The following RAB40A variants were observed in gnomAD, a reference collection of about 807,000 sequenced individuals.
The protein encoded by RAB40A is RAB40A, member RAS oncogene family, also known as ras-related protein Rab-40A.
For missense variants in RAB40A, 145 were observed against 230.2 expected, an observed-to-expected ratio of 0.63 and a Z score of 2.40; for synonymous variants, 65 against 99.9, an observed-to-expected ratio of 0.65 and a Z score of 2.08.
Position 103,500,263 on chromosome X carries a change from T to G in RAB40A, c.494A>C (p.Glu165Ala), listed in dbSNP as rs373670392. Residue 165 changes from glutamate to alanine, a missense_variant, in exon 3 of 3, where the codon GAG becomes GCG. Coordinates refer to ENST00000304236, the MANE Select transcript of RAB40A (RefSeq NM_080879.3). ...VSPLCNFNIIESFTELARIVL... is the reference protein window; with the variant it reads ...VSPLCNFNIIASFTELARIVL... ...TATCCTGGCCAGCTCCGTGAAAGACTCTATGATGTTGAAATTGCACAGAGG... is the reference window on the plus strand; with the variant it reads ...TATCCTGGCCAGCTCCGTGAAAGACGCTATGATGTTGAAATTGCACAGAGG... 23 of 1,210,167 alleles carry G rather than the reference T, an allele frequency of 1.9e-5. No individual in the cohort carries two copies. Among genetic ancestry groups the G allele is most frequent in the Non-Finnish European group, 2.6e-5 (23 of 895,233 alleles).
intron 2 of RAB40A, among the ~76,000 whole-genome samples, chrX:103,515,213 A>G (rs774630243): frequency 1.8e-5 from 2 of 112,428 alleles, no homozygotes; most frequent in South Asian, 7.4e-4. Context: ...ATGCTCTTTT[A>G]TTCTGTACTG....
At position 103,500,032 on chromosome X, in the gene RAB40A, G is replaced by A; in HGVS notation, c.725C>T (p.Ser242Phe). The change falls in exon 3 of 3, where the codon TCC becomes TTC. Residue 242 changes from serine (S) to phenylalanine (F), a missense_variant. By Grantham distance (155) the Ser-to-Phe change is radical. Transcript: ENST00000304236. ...NARMMRGLSY[S>F]LTTSSTHKSS... ...CTTGTGAGTGGAGCTGGTGGTGAGG[G>A]AGTAGGAGAGGCCTCGCATCATCCT... 8.3e-7 allele frequency: 1 copy of A among 1,211,488 alleles called. No homozygotes were observed. Among genetic ancestry groups the A allele is most frequent in the Non-Finnish European group, 1.1e-6 (1 of 894,973 alleles).
chrX:103,498,144 A>G (rs761094731), downstream of RAB40A, among the ~76,000 whole-genome samples: 4 of 111,059 alleles, frequency 3.6e-5, no homozygotes, highest in Non-Finnish European at 5.7e-5. Flanking sequence ...ACCTCTTTCA[A>G]GGTTGATTTG....
At chrX:103,516,593 G>C (rs1361084904) in intron 2 of RAB40A, among the ~76,000 whole-genome samples, 3 of 111,044 alleles carry the variant, frequency 2.7e-5, no homozygotes, top group Non-Finnish European at 5.7e-5. Flanking sequence ...GTCAAGCATG[G>C]GGTATGGAGT....
the RAB40A span, among the ~76,000 whole-genome samples, chrX:103,493,393 A>C: frequency 1.8e-5 from 2 of 111,416 alleles, no homozygotes; most frequent in East Asian, 5.6e-4. Flanking sequence ...AAAATTAGGT[A>C]TCCATCCCCT....
chrX:103,496,575 T>C (rs1005868664), downstream of RAB40A, among the ~76,000 whole-genome samples: 10 of 112,831 alleles, frequency 8.9e-5, no homozygotes, highest in Non-Finnish European at 1.5e-4. Flanking sequence ...GGCGATTACA[T>C]TGCATACTTA....
At chrX:103,499,084 C>T (rs2073204610), downstream of RAB40A, 1 of 113,413 alleles carries the variant, frequency 8.8e-6, no homozygotes, top group Non-Finnish European at 1.9e-5. Context: ...TTACACTATA[C>T]ATATTTTTCC....
At chrX:103,510,891 A>G (rs1396060696) in intron 2 of RAB40A, among the ~76,000 whole-genome samples, 1 of 111,887 alleles carries the variant, frequency 8.9e-6, no homozygotes, top group Non-Finnish European at 1.9e-5. Flanking sequence ...ACATTATAAC[A>G]CGGCATATTT....
At chrX:103,513,116 C>T (rs968050934) in intron 2 of RAB40A, among the ~76,000 whole-genome samples, 1 of 112,053 alleles carries the variant, frequency 8.9e-6, no homozygotes, top group Non-Finnish European at 1.9e-5. Flanking sequence ...GCAAGCACGT[C>T]TCTCAGATGA....
At chrX:103,507,931 T>C (rs2073265014) in intron 2 of RAB40A, among the ~76,000 whole-genome samples, 1 of 111,459 alleles carries the variant, frequency 9.0e-6, no homozygotes, top group Admixed American at 9.5e-5. Context: ...CCTAGAATAG[T>C]ACACACTCAG....
intron 2 of RAB40A, among the ~76,000 whole-genome samples, chrX:103,516,296 C>T (rs142215218): frequency 2.1e-3 from 238 of 111,681 alleles, no homozygotes; most frequent in African/African-American, 7.3e-3. Flanking sequence ...AAGTGGTACA[C>T]ATTCAGTAGA....
intron 2 of RAB40A, chrX:103,502,979 A>T (rs761551492): frequency 2.6e-6 from 2 of 761,878 alleles, no homozygotes; most frequent in South Asian, 1.4e-4. Context: ...GTCATTTTTC[A>T]TTGTTTCTAC....
intron 2 of RAB40A, among the ~76,000 whole-genome samples, chrX:103,508,861 A>AGT (rs1278748476): frequency 9.0e-6 from 1 of 111,578 alleles, no homozygotes; most frequent in Non-Finnish European, 1.9e-5. Flanking sequence ...AGCACTGTTT[A>AGT]GTGTGTGTGT....
At chrX:103,503,029 C>T in intron 2 of RAB40A, 2 of 752,498 alleles carry the variant, frequency 2.7e-6, no homozygotes, top group Non-Finnish European at 3.1e-6. Flanking sequence ...AAGCAAATCT[C>T]TCTCTGATAT....
chrX:103,502,916 G>A (rs1313519918), intron 2 of RAB40A: 1 of 763,966 alleles, frequency 1.3e-6, no homozygotes, highest in African/African-American at 2.3e-5. Flanking sequence ...TAAATGCTGA[G>A]ACACAGAAGT....
chrX:103,498,505 G>A (rs147170375), downstream of RAB40A, among the ~76,000 whole-genome samples: 1,277 of 112,748 alleles, frequency 0.011, 22 homozygotes, highest in African/African-American at 0.038. Context: ...TCTGCCTGGG[G>A]GCATATAGGA....
chrX:103,511,489 C>A, intron 2 of RAB40A, among the ~76,000 whole-genome samples: 1 of 102,471 alleles, frequency 9.8e-6, no homozygotes, highest in African/African-American at 3.9e-5. Flanking sequence ...GGTGACAGAG[C>A]GAGACTCCGT....
downstream of RAB40A, among the ~76,000 whole-genome samples, chrX:103,498,670 C>T (rs1205531338): frequency 8.9e-6 from 1 of 111,882 alleles, no homozygotes; most frequent in Non-Finnish European, 1.9e-5. Flanking sequence ...TAGAAAAGTA[C>T]CAGCGTTCAG....
At chrX:103,502,374 G>A (rs1419975297) in intron 2 of RAB40A, 2 of 123,032 alleles carry the variant, frequency 1.6e-5, no homozygotes, top group African/African-American at 3.3e-5. Flanking sequence ...CATAATCATC[G>A]GTACCTTGAA....
Sources: allele counts gnomAD v4.1 joint callset (sites outside exome capture counted in the v4.1 genomes callset), GRCh38; gene constraint gnomAD v4.1.1; transcripts MANE v1.5; gene names NCBI Gene and HGNC (gene_info 2026-07-23, HGNC 2026-07-21).